The following GRM1 variants were observed in gnomAD, a reference collection of about 807,000 sequenced individuals.
The protein encoded by GRM1 is metabotropic glutamate receptor 1.
Under a neutral mutation model 90.9 loss-of-function variants are expected in GRM1, and 33 were observed. That is an observed-to-expected ratio of 0.36 (90% CI 0.28 to 0.49). GRM1 has a LOEUF of 0.49. GRM1 is among the 20% of genes least tolerant of loss of function. The pLI, the probability that GRM1 is intolerant of heterozygous loss-of-function variation, is 0.99. For missense variants in GRM1, 1,190 were observed against 1,534.3 expected, an observed-to-expected ratio of 0.78 and a Z score of 3.75; for synonymous variants, 700 against 613.2, an observed-to-expected ratio of 1.14 and a Z score of -2.09.
chr6:146,406,768 A>G (rs12204504), intron 7 of GRM1, among the ~76,000 whole-genome samples: 1 of 152,194 alleles, frequency 6.6e-6, no homozygotes, highest in Non-Finnish European at 1.5e-5. Flanking sequence ...TAGGAGGCGA[A>G]GGTTGCAGTG....
chr6:146,134,251 G>C (rs1035554971), intron 1 of GRM1, among the ~76,000 whole-genome samples: 3 of 152,208 alleles, frequency 2.0e-5, no homozygotes, highest in African/African-American at 7.2e-5. Context: ...CTGAGCCCCA[G>C]TTTTATTGTA....
intron 2 of GRM1, among the ~76,000 whole-genome samples, chr6:146,238,247 T>C (rs1023534292): frequency 6.6e-6 from 1 of 152,146 alleles, no homozygotes; most frequent in African/African-American, 2.4e-5. Context: ...GAAAAATGGA[T>C]AGGACCTTGA....
intron 6 of GRM1, among the ~76,000 whole-genome samples, chr6:146,397,484 GAAAA>G (rs577471775): frequency 1.1e-4 from 5 of 45,044 alleles, no homozygotes; most frequent in Middle Eastern, 0.012. Context: ...AAAAAAAAAA[GAAAA>G]AAAAAAAAAA....
At chr6:146,178,037 T>A (rs1403134163) in intron 2 of GRM1, among the ~76,000 whole-genome samples, 1 of 152,174 alleles carries the variant, frequency 6.6e-6, no homozygotes, top group Non-Finnish European at 1.5e-5. Flanking sequence ...TTGTTACAAT[T>A]AATGAATCAA....
intron 5 of GRM1, among the ~76,000 whole-genome samples, chr6:146,374,816 T>G (rs1028661328): frequency 6.6e-6 from 1 of 152,040 alleles, no homozygotes; most frequent in African/African-American, 2.4e-5. Context: ...AAAAACCAAC[T>G]TTTTGTTTCA....
At chr6:146,042,442 G>A (rs1791148100) in intron 1 of GRM1, among the ~76,000 whole-genome samples, 1 of 152,010 alleles carries the variant, frequency 6.6e-6, no homozygotes, top group African/African-American at 2.4e-5. Context: ...AGAGTGAGTA[G>A]AAAAGGAAAA....
At chr6:146,268,998 A>G (rs1251871824) in intron 2 of GRM1, among the ~76,000 whole-genome samples, 3 of 152,226 alleles carry the variant, frequency 2.0e-5, no homozygotes, top group Admixed American at 2.0e-4. Flanking sequence ...TGAATAGAAA[A>G]AGAACAGCCT....
chr6:146,217,005 A>G (rs1210727335), intron 2 of GRM1, among the ~76,000 whole-genome samples: 1 of 152,214 alleles, frequency 6.6e-6, no homozygotes, highest in Admixed American at 6.5e-5. Flanking sequence ...TTGAGACTCC[A>G]TTAGTAACTC....
At chr6:146,055,610 T>C (rs1775456637) in intron 1 of GRM1, among the ~76,000 whole-genome samples, 1 of 152,132 alleles carries the variant, frequency 6.6e-6, no homozygotes, top group Admixed American at 6.6e-5. Context: ...TGTTTGTGTT[T>C]GTGGGAACAG....
chr6:146,274,922 C>T lies in GRM1; in HGVS notation c.951-29689C>T, dbSNP rs969956872. ...GTGGGCACCTATAATCCCAGCCACT[C>T]AGGAGGCTGAGGCACAAGAATGGTT... On this transcript the variant is annotated intron_variant, in intron 2 of 7. Transcript: ENST00000282753. 4.6e-5 allele frequency among the ~76,000 whole-genome samples: 7 copies of T among 152,204 alleles called. No homozygotes were observed. In the East Asian group the frequency reaches 1.4e-3, roughly 29 times the overall value.
At chr6:146,311,723 C>T (rs1437791660) in intron 3 of GRM1, among the ~76,000 whole-genome samples, 1 of 151,958 alleles carries the variant, frequency 6.6e-6, no homozygotes, top group Non-Finnish European at 1.5e-5. Flanking sequence ...TTCTTATAAA[C>T]ATAATAGTAA....
chr6:146,304,860 A>G lies in GRM1; in HGVS notation c.1186+14A>G, dbSNP rs1293956433. 3.3e-6 allele frequency: 5 copies of G among 1,512,096 alleles called. No homozygotes were observed. Among genetic ancestry groups the G allele is most frequent in the Non-Finnish European group, 3.7e-6 (4 of 1,086,936 alleles). 93.7% of individuals were successfully genotyped at this position (1,512,096 alleles called of 1,614,324 possible). A position where few individuals can be genotyped will look rare whatever the true frequency, so the allele number is the denominator to read the frequency against. On this transcript the variant is annotated intron_variant, in intron 3 of 7. Transcript: ENST00000282753. ...GAATCTGCACAGGTAACTCATGTTCACAAAATAACAACTCAGAGGTTTGGT... is the reference window on the plus strand; with the variant it reads ...GAATCTGCACAGGTAACTCATGTTCGCAAAATAACAACTCAGAGGTTTGGT...
chr6:146,137,383 A>T (rs1217275504), intron 1 of GRM1, among the ~76,000 whole-genome samples: 1 of 152,130 alleles, frequency 6.6e-6, no homozygotes, highest in Non-Finnish European at 1.5e-5. Flanking sequence ...CTGCATATGG[A>T]TACCCAGTTT....
intron 7 of GRM1, among the ~76,000 whole-genome samples, chr6:146,410,084 T>C (rs1456021827): frequency 6.6e-6 from 1 of 152,164 alleles, no homozygotes; most frequent in Non-Finnish European, 1.5e-5. Flanking sequence ...CTTAGATGGG[T>C]ATGAAAAAAT....
intron 2 of GRM1, among the ~76,000 whole-genome samples, chr6:146,246,847 C>T (rs1223493237): frequency 6.6e-6 from 1 of 152,062 alleles, no homozygotes; most frequent in Non-Finnish European, 1.5e-5. Flanking sequence ...GGTGAATTTA[C>T]AAGGTATCTG....
rs557252107 is a variant in GRM1 at position 146,068,061 on chromosome 6, A to T, written c.700+37844A>T. Among the ~76,000 whole-genome samples the T allele has an allele frequency of 6.6e-5, 10 of 152,292 alleles. No individual in the cohort carries two copies. The East Asian group carries it at 1.9e-3, about 29-fold the overall frequency. On this transcript the variant is annotated intron_variant, in intron 1 of 7. Transcript: ENST00000282753. ...CAAAACAACTCTGATATTTGGCAAT[A>T]ATTGTTAGAATTCATGGAATGTGTA...
chr6:146,394,137 G>A (rs1227177773), intron 6 of GRM1, among the ~76,000 whole-genome samples: 1 of 151,960 alleles, frequency 6.6e-6, no homozygotes, highest in Non-Finnish European at 1.5e-5. Context: ...AGATTTAAAT[G>A]TAAGACCTAA....
intron 2 of GRM1, among the ~76,000 whole-genome samples, chr6:146,227,068 A>T (rs887834375): frequency 6.6e-6 from 1 of 152,142 alleles, no homozygotes; most frequent in African/African-American, 2.4e-5. Context: ...ATATCATTTC[A>T]CTAAATATCT....
chr6:146,175,402 G>T (rs921722689), intron 2 of GRM1, among the ~76,000 whole-genome samples: 8 of 152,128 alleles, frequency 5.3e-5, no homozygotes, highest in Non-Finnish European at 7.4e-5. Context: ...ATAGATTCTT[G>T]TTACAACCTC....
Sources: gnomAD v4.1 joint callset for allele counts (sites outside exome capture counted in the v4.1 genomes callset) on GRCh38, gnomAD v4.1.1 for gene constraint, MANE v1.5 for transcripts, NCBI Gene and HGNC (gene_info 2026-07-23, HGNC 2026-07-21) for gene names.